The following CMPK1 variants were observed in gnomAD, a reference collection of about 807,000 sequenced individuals.
CMPK1 encodes cytidine/uridine monophosphate kinase 1, also known as UMP-CMP kinase.
A neutral mutation model predicts 25.7 loss-of-function variants in CMPK1; 10 were observed. The observed-to-expected ratio is 0.39, with a 90% CI of 0.24 to 0.66. The LOEUF (loss-of-function observed/expected upper bound fraction) is 0.66. Among genes scored for constraint, CMPK1 ranks in the 30% least tolerant of loss-of-function variants. The probability of loss-of-function intolerance (pLI) is 0.48; values close to 1 mark genes in which losing one functional copy is unlikely to be tolerated. For synonymous variants in CMPK1, 106 were observed against 101.5 expected (o/e 1.04, Z -0.27); for missense variants, 199 against 280.5 (o/e 0.71, Z 2.08).
chr1:47,358,210 T>C lies in CMPK1; in HGVS notation c.172-10259T>C, dbSNP rs1646576828. On this transcript the variant is annotated intron_variant, in intron 1 of 5. Coordinates refer to ENST00000371873, the MANE Select transcript of CMPK1 (RefSeq NM_016308.3). ...TACTGCCGCCTCTAACTCCTGGGGC[T>C]CAAGCTACCCACTTGGCTGAGCCTT... is the stretch of plus-strand genomic sequence containing the variant. 23 of 436,772 alleles carry C rather than the reference T, an allele frequency of 5.3e-5. 1 individual carries two copies. The highest frequency in any genetic ancestry group is 3.7e-4 in the South Asian group (23 of 61,678). The allele number at this position is 436,772 out of a possible 1,614,324, so 27.1% of individuals were successfully genotyped here. A position where few individuals can be genotyped will look rare whatever the true frequency, so the allele number is the denominator to read the frequency against.
At chr1:47,374,547 A>G (rs1646695732) in intron 3 of CMPK1, among the ~76,000 whole-genome samples, 1 of 152,250 alleles carries the variant, frequency 6.6e-6, no homozygotes, top group South Asian at 2.1e-4. Context: ...TGGAATTATC[A>G]AAAAGCAGCC....
chr1:47,376,567 C>T (rs980066582), intron 5 of CMPK1, 137 bp from the exon 6 acceptor site: 4 of 476,502 alleles, frequency 8.4e-6, no homozygotes, highest in Admixed American at 3.7e-5. Context: ...CTGCCCGCCT[C>T]GACCTCCCAA....
intron 1 of CMPK1, among the ~76,000 whole-genome samples, chr1:47,350,949 C>G (rs556124191): frequency 2.0e-5 from 3 of 151,872 alleles, no homozygotes; most frequent in Non-Finnish European, 4.4e-5. Context: ...ACAGATCCCC[C>G]ACCCTTCCCT....
intron 1 of CMPK1, among the ~76,000 whole-genome samples, chr1:47,336,520 TTTG>T (rs1243607020): frequency 2.0e-5 from 3 of 152,196 alleles, no homozygotes; most frequent in Non-Finnish European, 2.9e-5. Context: ...ATTGGTGGGT[TTTG>T]TTGTTGTTGT....
intron 1 of CMPK1, chr1:47,358,287 A>AT (rs1646577366): frequency 5.4e-6 from 3 of 557,570 alleles, no homozygotes; most frequent in African/African-American, 1.9e-5. Context: ...TAATTTTTCC[A>AT]TTTTTTGTAG....
Position 47,378,240 on chromosome 1 carries a change from A to G in CMPK1, c.*1495A>G, listed in dbSNP as rs571446549. 1 of 152,296 alleles carries G rather than the reference A, an allele frequency of 6.6e-6. No individual in the cohort carries two copies. Among genetic ancestry groups the G allele is most frequent in the South Asian group, 2.1e-4 (1 of 4,830 alleles). 9.4% of individuals were successfully genotyped at this position (152,296 alleles called of 1,614,324 possible). ...AAACAAAGTATTGCTAAGTACTATAACATATTGGCCACTAAAATTCATATT... is the reference window on the plus strand; with the variant it reads ...AAACAAAGTATTGCTAAGTACTATAGCATATTGGCCACTAAAATTCATATT... On this transcript the variant is annotated 3_prime_UTR_variant, in exon 6 of 6. Transcript: ENST00000371873.
rs1646578878 is a variant in CMPK1, at chr1:47,358,498, T to G, written c.172-9971T>G. On this transcript the variant is annotated intron_variant, in intron 1 of 5. Transcript: ENST00000371873. ...TTTTGCTGTGGCTGTTAGTATAGTA[T>G]AGTATGTGTAGATGTCATTTTTGGT... is the stretch of plus-strand genomic sequence containing the variant. The G allele has an allele frequency of 4.9e-5, 52 of 1,066,090 alleles. 2 individuals carry two copies. In the South Asian group the frequency reaches 1.3e-3, roughly 27 times the overall value. The allele number at this position is 1,066,090 out of a possible 1,614,324, so 66.0% of individuals were successfully genotyped here.
At chr1:47,341,178 T>A (rs750827523) in intron 1 of CMPK1, among the ~76,000 whole-genome samples, 8 of 152,194 alleles carry the variant, frequency 5.3e-5, no homozygotes, top group Non-Finnish European at 1.2e-4. Context: ...TTTCTAATCC[T>A]GAGATCACCA....
At chr1:47,346,098 G>A (rs1646481607) in intron 1 of CMPK1, among the ~76,000 whole-genome samples, 1 of 151,654 alleles carries the variant, frequency 6.6e-6, no homozygotes. Context: ...CACCCAGGCT[G>A]GAGTGCAGTG....
At chr1:47,351,680 A>G (rs1312649176) in intron 1 of CMPK1, among the ~76,000 whole-genome samples, 1 of 152,174 alleles carries the variant, frequency 6.6e-6, no homozygotes, top group Non-Finnish European at 1.5e-5. Context: ...CAGGAGCTGC[A>G]CCATTTTACA....
At chr1:47,352,586 A>C (rs1208748104) in intron 1 of CMPK1, among the ~76,000 whole-genome samples, 1 of 152,202 alleles carries the variant, frequency 6.6e-6, no homozygotes, top group African/African-American at 2.4e-5. Context: ...ATTGAGTTCA[A>C]GTTAATTAAA....
At chr1:47,372,919 ATGT>A (rs758781720) in intron 2 of CMPK1, 33 bp from the exon 3 acceptor site, 4 of 1,563,264 alleles carry the variant, frequency 2.6e-6, no homozygotes, top group African/African-American at 2.7e-5. Flanking sequence ...CATTTTGTTA[ATGT>A]TGTATTGAAC....
intron 1 of CMPK1, among the ~76,000 whole-genome samples, chr1:47,359,705 T>A (rs558498720): frequency 2.0e-5 from 3 of 152,150 alleles, no homozygotes; most frequent in Admixed American, 2.0e-4. Context: ...CTTTCTTTTA[T>A]AAGGAGAAAT....
intron 1 of CMPK1, among the ~76,000 whole-genome samples, chr1:47,357,482 CT>C (rs5773945): frequency 0.25 from 36,077 of 145,036 alleles, 4,608 homozygotes; most frequent in Middle Eastern, 0.3. Context: ...TTAATGGATT[CT>C]TTTTTTTTTT....
chr1:47,361,304 A>G (rs1040738751), intron 1 of CMPK1, among the ~76,000 whole-genome samples: 17 of 152,128 alleles, frequency 1.1e-4, no homozygotes, highest in Non-Finnish European at 2.5e-4. Flanking sequence ...CAGGAGAATC[A>G]CTTGAACCCA....
chr1:47,339,523 A>G (rs771879040), intron 1 of CMPK1, among the ~76,000 whole-genome samples: 2 of 152,154 alleles, frequency 1.3e-5, no homozygotes, highest in Non-Finnish European at 2.9e-5. Flanking sequence ...CTTATTAAGC[A>G]CTTATTGAAT....
At position 47,338,661 on chromosome 1, in the gene CMPK1, A is replaced by G. The variant is rs867322819; in HGVS notation, c.171+4545A>G. Among the ~76,000 whole-genome samples the G allele has an allele frequency of 2.4e-5, 3 of 126,564 alleles. No homozygotes were observed. In the Middle Eastern group the frequency reaches 0.014, roughly 591 times the overall value. The allele number at this position is 126,564 out of a possible 152,430, so 83.0% of individuals were successfully genotyped here. On this transcript the variant is annotated intron_variant, in intron 1 of 5. Transcript: ENST00000371873. ...TACCCAGACTTGGAGAATTTGTTTT[A>G]TTTTCTAATTGTTTGTAAATCTGTA...
chr1:47,370,032 A>C (rs1646667501), intron 2 of CMPK1, among the ~76,000 whole-genome samples: 1 of 144,548 alleles, frequency 6.9e-6, no homozygotes, highest in Non-Finnish European at 1.5e-5. Context: ...CTCCTGTCTC[A>C]GCCTTCCGAG....
In CMPK1 at chr1:47,357,994, C is replaced by T. The variant is rs114850315; in HGVS notation, c.172-10475C>T. Among the ~76,000 whole-genome samples, 374 of 150,478 alleles carry T rather than the reference C, an allele frequency of 2.5e-3. 2 individuals are homozygous for T. Among genetic ancestry groups the T allele is most frequent in the African/African-American group, 8.6e-3 (351 of 40,974 alleles). ...TTTGGTATTTCTGTTCCTCTATCGG[C>T]GTGTAATTTGTAGTTAAGCCACTGA... On this transcript the variant is annotated intron_variant, in intron 1 of 5. Transcript: ENST00000371873.
Sources: gnomAD v4.1 joint callset for allele counts (sites outside exome capture counted in the v4.1 genomes callset) on GRCh38, gnomAD v4.1.1 for gene constraint, MANE v1.5 for transcripts, NCBI Gene and HGNC (gene_info 2026-07-23, HGNC 2026-07-21) for gene names.